PLEKHM1: variants seen among roughly 807,000 people sequenced by gnomAD.
PLEKHM1 encodes the protein pleckstrin homology and RUN domain containing M1, also known as pleckstrin homology domain-containing family M member 1.
Under a neutral mutation model 94.3 loss-of-function variants are expected in PLEKHM1, and 28 were observed. That is an observed-to-expected ratio of 0.30 (90% confidence interval 0.22 to 0.41). PLEKHM1 has a LOEUF of 0.41. PLEKHM1 is among the 10% of genes least tolerant of loss of function. PLEKHM1 has a pLI of 1.00. For synonymous variants in PLEKHM1, 424 were observed against 581.2 expected, an observed-to-expected ratio of 0.73 and a Z score of 3.89; for missense variants, 907 against 1,358.6, an observed-to-expected ratio of 0.67 and a Z score of 5.22.
chr17:45,438,259 C>T (rs1459706646), intron 11 of PLEKHM1, among the ~76,000 whole-genome samples: 1 of 152,178 alleles, frequency 6.6e-6, no homozygotes, highest in Non-Finnish European at 1.5e-5. Context: ...TACGGCCAGG[C>T]GCAGTGGCTC....
At position 45,453,325 on chromosome 17, in the gene PLEKHM1, G is replaced by A. The variant is rs1222712631; in HGVS notation, c.2497+30C>T. On this transcript the variant is annotated intron_variant, in intron 7 of 11. Coordinates refer to ENST00000430334, the MANE Select transcript of PLEKHM1 (RefSeq NM_014798.3). This position sits in a 1 kb window ranked among gnomAD's most constrained non-coding sequence, Gnocchi z 4.1. The stretch of plus-strand genomic sequence containing the variant: ...GCAGGAGGTGGAGTGAGGCTGGCAG[G>A]CTGGGGGTGGCAGCAGAGCAAATCG... The A allele has an allele frequency of 6.2e-7, 1 of 1,603,180 alleles. No homozygotes were observed. Among genetic ancestry groups the A allele is most frequent in the African/African-American group, 1.3e-5 (1 of 74,530 alleles).
chr17:45,463,130 T>G (rs1005810705), intron 5 of PLEKHM1, among the ~76,000 whole-genome samples: 3 of 151,390 alleles, frequency 2.0e-5, no homozygotes, highest in Admixed American at 2.0e-4. Context: ...TGGGGAGGAC[T>G]TCTCTCTCCT....
At position 45,468,377 on chromosome 17, in the gene PLEKHM1, C is replaced by T. The variant is rs142284543; in HGVS notation, c.1140G>A (p.Ala380=). Residue 380 remains alanine (A), a synonymous_variant, in exon 5 of 12, where the codon GCG becomes GCA. Coordinates refer to ENST00000430334, the MANE Select transcript of PLEKHM1 (RefSeq NM_014798.3). ...GCTGCTGTAAGTCCAGGGGGCTGGG[C>T]GCCTGGGGACGCGGCTCCTGCACGT... ...GVHVQEPRPQ[A]PSPLDLQQPV... 258 of 1,614,142 alleles carry T rather than the reference C, an allele frequency of 1.6e-4. No homozygotes were observed. In the Middle Eastern group the frequency reaches 2.1e-3, roughly 13 times the overall value.
intron 6 of PLEKHM1, among the ~76,000 whole-genome samples, chr17:45,455,735 T>C (rs935449259): frequency 1.3e-5 from 2 of 152,166 alleles, no homozygotes; most frequent in Non-Finnish European, 2.9e-5. Context: ...CCCACTGTCA[T>C]CTCTGGCCTG....
chr17:45,439,359 T>TG, intron 11 of PLEKHM1, 118 bp downstream of exon 11: 1 of 1,171,396 alleles, frequency 8.5e-7, no homozygotes, highest in South Asian at 1.3e-5. Flanking sequence ...CAGCACAAAG[T>TG]GGATGTTCAA....
At chr17:45,473,420 G>A (rs1036429046) in intron 4 of PLEKHM1, among the ~76,000 whole-genome samples, 38 of 151,970 alleles carry the variant, frequency 2.5e-4, no homozygotes, top group Admixed American at 3.3e-4. Context: ...TGAGACCCCC[G>A]TCTCTATAAA....
chr17:45,481,039 T>C (rs1478836789), intron 2 of PLEKHM1, among the ~76,000 whole-genome samples: 4 of 152,204 alleles, frequency 2.6e-5, no homozygotes, highest in Non-Finnish European at 4.4e-5. Flanking sequence ...ACCAGCAATA[T>C]ATGAGTTCCA....
At chr17:45,459,747 C>T (rs1336859484) in intron 5 of PLEKHM1, 3 of 127,506 alleles carry the variant, frequency 2.4e-5, no homozygotes, top group Non-Finnish European at 3.5e-5. Flanking sequence ...CAGCAATGTA[C>T]GAGGGTTCCA....
intron 1 of PLEKHM1, among the ~76,000 whole-genome samples, chr17:45,486,286 T>C (rs894889827): frequency 2.7e-4 from 38 of 141,704 alleles, no homozygotes; most frequent in Non-Finnish European, 5.4e-4. Flanking sequence ...AATAAATAAA[T>C]AATAAACTGA....
chr17:45,487,822 A>C, intron 1 of PLEKHM1: 1 of 455,824 alleles, frequency 2.2e-6, no homozygotes, highest in South Asian at 1.5e-5. Context: ...CTCCTCAGCC[A>C]CTCCCCACGG....
chr17:45,458,941 T>C (rs2051068014), intron 5 of PLEKHM1, among the ~76,000 whole-genome samples: 1 of 151,614 alleles, frequency 6.6e-6, no homozygotes. Context: ...GAGACCAACC[T>C]GGGCAACACA....
chr17:45,452,640 CAGA>C (rs1319902946), intron 7 of PLEKHM1, among the ~76,000 whole-genome samples: 1 of 151,620 alleles, frequency 6.6e-6, no homozygotes, highest in Non-Finnish European at 1.5e-5. Context: ...GTGCCCAGCA[CAGA>C]AGTATTAGAT....
chr17:45,468,939 T>G (rs1356495668), intron 4 of PLEKHM1, among the ~76,000 whole-genome samples: 1 of 151,842 alleles, frequency 6.6e-6, no homozygotes, highest in Non-Finnish European at 1.5e-5. Context: ...GCCAAACACA[T>G]GGTTGTGTGG....
chr17:45,479,255 C>G (rs1426672524), intron 2 of PLEKHM1, among the ~76,000 whole-genome samples: 3 of 152,034 alleles, frequency 2.0e-5, no homozygotes, highest in Admixed American at 2.0e-4. Flanking sequence ...CACGGTGGCT[C>G]ACGCCTGTAA....
chr17:45,455,811 G>A (rs2050928513), intron 6 of PLEKHM1, among the ~76,000 whole-genome samples: 1 of 152,144 alleles, frequency 6.6e-6, no homozygotes, highest in Non-Finnish European at 1.5e-5. Flanking sequence ...CAGCGTAGGA[G>A]CCATGATGAC....
At chr17:45,446,721 A>G (rs930469598) in intron 8 of PLEKHM1, among the ~76,000 whole-genome samples, 1 of 152,232 alleles carries the variant, frequency 6.6e-6, no homozygotes, top group Non-Finnish European at 1.5e-5. Context: ...ATATATAGAA[A>G]TGAAATTGAT....
At chr17:45,465,811 T>C (rs1298238316) in intron 5 of PLEKHM1, among the ~76,000 whole-genome samples, 2 of 152,022 alleles carry the variant, frequency 1.3e-5, no homozygotes, top group East Asian at 1.9e-4. Context: ...TGAGCAAAGA[T>C]GCTATTCTGT....
chr17:45,448,198 C>T (rs1048636234), intron 8 of PLEKHM1: 16 of 152,320 alleles, frequency 1.1e-4, no homozygotes, highest in African/African-American at 2.9e-4. Flanking sequence ...AAATAGTTAA[C>T]GTGTTTTATG....
intron 6 of PLEKHM1, chr17:45,456,173 T>C (rs1320275175): frequency 1.3e-5 from 2 of 152,232 alleles, no homozygotes; most frequent in African/African-American, 4.8e-5. Flanking sequence ...TCTACCTCTG[T>C]AGACAGGTAG....
Sources: gnomAD v4.1 joint callset for allele counts (sites outside exome capture counted in the v4.1 genomes callset) on GRCh38, gnomAD v4.1.1 for gene constraint, Gnocchi (gnomAD v3.1) non-coding constraint, MANE v1.5 for transcripts, NCBI Gene and HGNC (gene_info 2026-07-23, HGNC 2026-07-21) for gene names.